Variants in AKAP6 observed in about 807,000 individuals in gnomAD.
The protein encoded by AKAP6 is A-kinase anchoring protein 6.
In AKAP6, 58 loss-of-function variants were observed where a neutral mutation model predicts 188.5. The ratio of observed to expected loss-of-function variants is 0.31; its 90% confidence interval spans 0.25 to 0.38. AKAP6 has a LOEUF of 0.38. Among genes scored for constraint, AKAP6 ranks in the 10% least tolerant of loss-of-function variants. The probability of loss-of-function intolerance (pLI) is 1.00; values close to 1 mark genes in which losing one functional copy is unlikely to be tolerated. For synonymous variants in AKAP6, 989 were observed against 998.6 expected (o/e 0.99, Z 0.18); for missense variants, 2,710 against 2,740.0 (o/e 0.99, Z 0.24).
chr14:32,381,298 C>T (rs375132024), intron 1 of AKAP6, among the ~76,000 whole-genome samples: 28 of 152,084 alleles, frequency 1.8e-4, no homozygotes, highest in South Asian at 6.2e-4. Context: ...CAAGATTGCA[C>T]CTCCACACTC....
chr14:32,629,077 C>T (rs1057409422), intron 7 of AKAP6, among the ~76,000 whole-genome samples: 5 of 151,970 alleles, frequency 3.3e-5, no homozygotes, highest in Admixed American at 6.6e-5. Flanking sequence ...AAGATAATTT[C>T]GAGGTTCATA....
chr14:32,684,542 T>C (rs530287072), intron 8 of AKAP6, among the ~76,000 whole-genome samples: 3 of 152,318 alleles, frequency 2.0e-5, no homozygotes, highest in African/African-American at 7.2e-5. Context: ...AAATAATGTT[T>C]ATTTTTAGGG....
chr14:32,340,282 T>C (rs1322390109), intron 1 of AKAP6, among the ~76,000 whole-genome samples: 1 of 152,132 alleles, frequency 6.6e-6, no homozygotes, highest in East Asian at 1.9e-4. Context: ...ATAAAAATTA[T>C]ACCTCATGAA....
In AKAP6 at chr14:32,695,923, A is replaced by G. The variant is rs3742928; in HGVS notation, c.2880-67A>G. On this transcript the variant is annotated intron_variant, in intron 8 of 13. Coordinates refer to ENST00000280979, the MANE Select transcript of AKAP6 (RefSeq NM_004274.5). ...CATCATGGGTTTTCAAGAATATATT[A>G]TTCTAATATAAGATTTTAACAACTA... The G allele has an allele frequency of 6.6e-3, 9,980 of 1,504,054 alleles. 126 individuals are homozygous for G. The highest frequency in any genetic ancestry group is 0.047 in the East Asian group (1,918 of 40,890). The allele number at this position is 1,504,054 out of a possible 1,614,324, so 93.2% of individuals were successfully genotyped here. A position where few individuals can be genotyped will look rare whatever the true frequency, so the allele number is the denominator to read the frequency against.
chr14:32,799,682 G>A (rs2033878925), intron 12 of AKAP6, among the ~76,000 whole-genome samples: 1 of 151,846 alleles, frequency 6.6e-6, no homozygotes, highest in African/African-American at 2.4e-5. Flanking sequence ...TTCGTTGTAT[G>A]ATTTCTATTC....
intron 1 of AKAP6, among the ~76,000 whole-genome samples, chr14:32,340,255 C>T (rs907236181): frequency 6.6e-6 from 1 of 151,896 alleles, no homozygotes; most frequent in Non-Finnish European, 1.5e-5. Context: ...ATACTTTCAA[C>T]AACCTTATGC....
At chr14:32,618,986 A>G (rs1016549460) in intron 7 of AKAP6, among the ~76,000 whole-genome samples, 34 of 151,966 alleles carry the variant, frequency 2.2e-4, no homozygotes, top group Admixed American at 2.2e-3. Context: ...TCTTCTTTTG[A>G]GAAATACCAA....
intron 1 of AKAP6, among the ~76,000 whole-genome samples, chr14:32,361,860 T>C (rs1887675373): frequency 6.6e-6 from 1 of 152,156 alleles, no homozygotes; most frequent in South Asian, 2.1e-4. Flanking sequence ...CCCCTCCTGT[T>C]GTGCAGGCTT....
chr14:32,669,115 C>A, intron 7 of AKAP6, among the ~76,000 whole-genome samples: 1 of 152,078 alleles, frequency 6.6e-6, no homozygotes, highest in East Asian at 1.9e-4. Context: ...TATACATTCC[C>A]TGAGGGTTGA....
chr14:32,459,553 T>G (rs2138814675), intron 2 of AKAP6, among the ~76,000 whole-genome samples: 1 of 151,266 alleles, frequency 6.6e-6, no homozygotes, highest in Non-Finnish European at 1.5e-5. Flanking sequence ...AAGATTTAAA[T>G]GATTTAAAAT....
chr14:32,496,328 T>C (rs1291826821), intron 2 of AKAP6, among the ~76,000 whole-genome samples: 1 of 152,182 alleles, frequency 6.6e-6, no homozygotes, highest in African/African-American at 2.4e-5. Context: ...TGATGGTGCA[T>C]AACTTTGGAT....
chr14:32,665,147 G>A (rs905834995), intron 7 of AKAP6, among the ~76,000 whole-genome samples: 5 of 152,048 alleles, frequency 3.3e-5, no homozygotes, highest in African/African-American at 4.8e-5. Context: ...ACACCAAGCA[G>A]TGGACACCAA....
At chr14:32,707,847 A>G (rs1890876997) in intron 9 of AKAP6, among the ~76,000 whole-genome samples, 1 of 152,106 alleles carries the variant, frequency 6.6e-6, no homozygotes, top group Non-Finnish European at 1.5e-5. Flanking sequence ...ACCAAAGTGC[A>G]GTAAAGACAG....
chr14:32,553,374 A>T (rs919302283), intron 4 of AKAP6, among the ~76,000 whole-genome samples: 2 of 151,872 alleles, frequency 1.3e-5, no homozygotes, highest in African/African-American at 4.8e-5. Flanking sequence ...GGGTTTCATC[A>T]CGTTGGCCAG....
intron 7 of AKAP6, among the ~76,000 whole-genome samples, chr14:32,601,225 A>T (rs1318571124): frequency 6.6e-6 from 1 of 152,204 alleles, no homozygotes; most frequent in East Asian, 1.9e-4. Flanking sequence ...AGAGAAAGTG[A>T]TTCATTATCT....
At chr14:32,766,000 A>T (rs905522264) in intron 11 of AKAP6, among the ~76,000 whole-genome samples, 2 of 152,194 alleles carry the variant, frequency 1.3e-5, no homozygotes, top group Admixed American at 6.5e-5. Flanking sequence ...GAAACCCCTT[A>T]CCCATTAGCT....
intron 7 of AKAP6, among the ~76,000 whole-genome samples, chr14:32,642,581 T>C (rs1887806842): frequency 6.6e-6 from 1 of 152,196 alleles, no homozygotes; most frequent in Non-Finnish European, 1.5e-5. Flanking sequence ...TTAAATGGGC[T>C]CAGAGGAGAG....
intron 12 of AKAP6, among the ~76,000 whole-genome samples, chr14:32,797,022 GA>G (rs1434247111): frequency 6.6e-6 from 1 of 152,088 alleles, no homozygotes; most frequent in Non-Finnish European, 1.5e-5. Context: ...GAACTAATAT[GA>G]AAAAAGCTCA....
chr14:32,506,924 C>T (rs1052896662), intron 2 of AKAP6, among the ~76,000 whole-genome samples: 10 of 152,184 alleles, frequency 6.6e-5, no homozygotes, highest in African/African-American at 2.4e-4. Flanking sequence ...CACATATACA[C>T]ACACACTTCT....
Sources: allele counts gnomAD v4.1 joint callset (sites outside exome capture counted in the v4.1 genomes callset), GRCh38; gene constraint gnomAD v4.1.1; transcripts MANE v1.5; gene names NCBI Gene and HGNC (gene_info 2026-07-23, HGNC 2026-07-21).